The following CTPS2 variants were observed in gnomAD, a reference collection of about 807,000 sequenced individuals.
CTPS2 encodes CTP synthase 2, also known as CTP synthase II.
Under a neutral mutation model 46.8 loss-of-function variants are expected in CTPS2, and 19 were observed. That is an observed-to-expected ratio of 0.41 (90% CI 0.28 to 0.60). The LOEUF is 0.60. Among genes scored for constraint, CTPS2 ranks in the 20% least tolerant of loss-of-function variants. The pLI is 0.35. For synonymous variants in CTPS2, 151 were observed against 165.2 expected, an observed-to-expected ratio of 0.91 and a Z score of 0.66; for missense variants, 286 against 447.6, an observed-to-expected ratio of 0.64 and a Z score of 3.26.
intron 17 of CTPS2, among the ~76,000 whole-genome samples, chrX:16,606,006 G>A (rs1929950927): frequency 8.9e-6 from 1 of 112,277 alleles, no homozygotes; most frequent in Non-Finnish European, 1.9e-5. Flanking sequence ...CTCACTAGCT[G>A]TAAATCCCAA....
At chrX:16,595,990 T>A (rs912171743) in intron 17 of CTPS2, among the ~76,000 whole-genome samples, 1 of 111,545 alleles carries the variant, frequency 9.0e-6, no homozygotes, top group Admixed American at 9.5e-5. Flanking sequence ...CACCTCAGCC[T>A]CCCGAGTAGC....
chrX:16,672,098 G>A (rs983909497), intron 10 of CTPS2, among the ~76,000 whole-genome samples: 1 of 111,115 alleles, frequency 9.0e-6, no homozygotes, highest in African/African-American at 3.3e-5. Flanking sequence ...GGGGTTAGAG[G>A]CCTCTCTCAG....
intron 10 of CTPS2, among the ~76,000 whole-genome samples, chrX:16,672,171 G>C (rs1921803892): frequency 9.0e-6 from 1 of 111,244 alleles, no homozygotes. Context: ...ATTCTCTTTG[G>C]ATTATTCTGC....
At chrX:16,598,242 T>C (rs757960004) in intron 17 of CTPS2, among the ~76,000 whole-genome samples, 123 of 110,791 alleles carry the variant, frequency 1.1e-3, no homozygotes, top group African/African-American at 3.7e-3. Context: ...ACACAAAAAA[T>C]CCTTCAAAAA....
chrX:16,685,419 A>C (rs1434847471), intron 8 of CTPS2, among the ~76,000 whole-genome samples: 1 of 111,088 alleles, frequency 9.0e-6, no homozygotes, highest in African/African-American at 3.3e-5. Flanking sequence ...TGTACTTCCG[A>C]GAGCAACCAA....
chrX:16,620,847 G>A (rs6629160), intron 14 of CTPS2, among the ~76,000 whole-genome samples: 21,305 of 111,263 alleles, frequency 0.19, 1,621 homozygotes, highest in Middle Eastern at 0.29. Flanking sequence ...TTTTCACACC[G>A]TACTGGCCAC....
At chrX:16,639,777 A>AAAAGAAAG (rs10682704) in intron 13 of CTPS2, among the ~76,000 whole-genome samples, 8,390 of 72,496 alleles carry the variant, frequency 0.12, 569 homozygotes, top group Middle Eastern at 0.16. Flanking sequence ...AAAGGAAAAG[A>AAAAGAAAG]AAAGAAAGAA....
At chrX:16,614,153 A>C (rs949658729) in intron 16 of CTPS2, among the ~76,000 whole-genome samples, 2 of 112,263 alleles carry the variant, frequency 1.8e-5, no homozygotes, top group African/African-American at 6.5e-5. Context: ...AAAGTTTACG[A>C]AATTGTGTTG....
intron 13 of CTPS2, among the ~76,000 whole-genome samples, chrX:16,653,824 GA>G (rs1392066045): frequency 1.8e-5 from 2 of 112,035 alleles, no homozygotes; most frequent in Non-Finnish European, 3.8e-5. Flanking sequence ...TCAACGTGTG[GA>G]CCCCAACCCC....
In CTPS2 at chrX:16,706,164, C is replaced by CT. The variant is rs766946948; in HGVS notation, c.-39-3224dup. Among the ~76,000 whole-genome samples, 49 of 111,423 alleles carry CT rather than the reference C, an allele frequency of 4.4e-4. No individual in the cohort carries two copies. In the East Asian group the frequency reaches 5.4e-3, roughly 12 times the overall value. ...AGTCACCAGGCACAGTGGCTCACGC[C>CT]TATAATCCCAGCACTTTGGGCAGCC... On this transcript the variant is annotated intron_variant, in intron 1 of 18. Coordinates refer to ENST00000359276, the MANE Select transcript of CTPS2 (RefSeq NM_175859.3).
chrX:16,633,669 C>T (rs1182095584), intron 14 of CTPS2, among the ~76,000 whole-genome samples: 2 of 112,011 alleles, frequency 1.8e-5, no homozygotes, highest in South Asian at 3.7e-4. Flanking sequence ...GCACTATATA[C>T]ACAAGTAAAT....
At chrX:16,685,458 T>A (rs759741036) in intron 8 of CTPS2, among the ~76,000 whole-genome samples, 1 of 110,492 alleles carries the variant, frequency 9.1e-6, no homozygotes, top group African/African-American at 3.3e-5. Flanking sequence ...CACTCAGCCA[T>A]CAGCCATCAC....
At chrX:16,654,489 GTAAAA>G in intron 13 of CTPS2, 1 of 1,180,804 alleles carries the variant, frequency 8.5e-7, no homozygotes, top group Non-Finnish European at 1.1e-6. Flanking sequence ...CCAAGTATTA[GTAAAA>G]AAGATATCCC....
intron 8 of CTPS2, among the ~76,000 whole-genome samples, chrX:16,687,918 G>A (rs893043862): frequency 9.0e-6 from 1 of 110,758 alleles, no homozygotes; most frequent in Non-Finnish European, 1.9e-5. Context: ...CACTAGGTAG[G>A]CACTGGTATC....
intron 11 of CTPS2, among the ~76,000 whole-genome samples, chrX:16,669,648 C>G (rs1218815914): frequency 9.1e-6 from 1 of 110,218 alleles, no homozygotes; most frequent in Non-Finnish European, 1.9e-5. Context: ...CTACTCCAGT[C>G]TTCTATTTTG....
At chrX:16,658,514 A>G (rs1207996089) in intron 13 of CTPS2, among the ~76,000 whole-genome samples, 2 of 112,114 alleles carry the variant, frequency 1.8e-5, no homozygotes, top group African/African-American at 6.5e-5. Flanking sequence ...GTACCTATTC[A>G]TATTTCTGTC....
chrX:16,689,344 A>G (rs1447676734), intron 8 of CTPS2, 106 bp downstream of exon 8: 1 of 773,136 alleles, frequency 1.3e-6, no homozygotes, highest in African/African-American at 2.1e-5. Context: ...CAAAATGTGC[A>G]CACGCAAAAT....
chrX:16,698,648 T>C (rs925987211), intron 3 of CTPS2, among the ~76,000 whole-genome samples: 1 of 110,886 alleles, frequency 9.0e-6, no homozygotes, highest in African/African-American at 3.3e-5. Context: ...CCTCCTGGGT[T>C]CGAGCAATTC....
intron 13 of CTPS2, among the ~76,000 whole-genome samples, chrX:16,662,926 G>T (rs67069170): frequency 1.8e-5 from 2 of 110,587 alleles, no homozygotes; most frequent in South Asian, 7.7e-4. Flanking sequence ...GTGTTCGCGC[G>T]TGGGTGCAAG....
Sources: allele counts gnomAD v4.1 joint callset (sites outside exome capture counted in the v4.1 genomes callset), GRCh38; gene constraint gnomAD v4.1.1; transcripts MANE v1.5; gene names NCBI Gene and HGNC (gene_info 2026-07-23, HGNC 2026-07-21).